Variants in LNX1 observed in about 807,000 individuals in gnomAD.
The protein encoded by LNX1 is ligand of numb-protein X 1.
LNX1 carries 54 observed loss-of-function variants against 68.4 expected under a neutral mutation model. The observed-to-expected ratio is 0.79, with a 90% CI of 0.63 to 0.99. LNX1 has a LOEUF of 0.99. LNX1 is among the 50% of genes least tolerant of loss of function. LNX1 has a pLI of 0.00. For synonymous variants in LNX1, 336 were observed against 350.0 expected, an observed-to-expected ratio of 0.96 and a Z score of 0.45; for missense variants, 906 against 926.4, an observed-to-expected ratio of 0.98 and a Z score of 0.29.
intron 2 of LNX1, among the ~76,000 whole-genome samples, chr4:53,521,377 C>G (rs1341201709): frequency 6.6e-6 from 1 of 152,206 alleles, no homozygotes; most frequent in Non-Finnish European, 1.5e-5. Flanking sequence ...AAAGTGCATT[C>G]CATCGCATTC....
intron 2 of LNX1, among the ~76,000 whole-genome samples, chr4:53,526,341 C>T (rs763819252): frequency 2.6e-5 from 4 of 152,166 alleles, no homozygotes; most frequent in Non-Finnish European, 2.9e-5. Flanking sequence ...ACTTCTGAAT[C>T]GTTTTCATAA....
chr4:53,572,701 T>A (rs557526659), intron 2 of LNX1, among the ~76,000 whole-genome samples: 1 of 152,066 alleles, frequency 6.6e-6, no homozygotes, highest in Non-Finnish European at 1.5e-5. Flanking sequence ...ACAATGTAAG[T>A]GGACAAAATG....
chr4:53,639,491 TA>T lies in LNX1; in HGVS notation c.-215+12676del, dbSNP rs1734597548. ...ATAAATTTTCTTTAATTAAAAATGT[TA>T]ATATCCCAGAAAAAATAAGGCATCT... On this transcript the variant is annotated intron_variant, in intron 1 of 2. Transcript: ENST00000507168. Among the ~76,000 whole-genome samples the T allele has an allele frequency of 2.6e-5, 4 of 152,352 alleles. No individual in the cohort carries two copies. In the South Asian group the frequency reaches 6.2e-4, roughly 24 times the overall value.
chr4:53,506,883 AATAGTAGCTACCTC>A (rs1402176520), intron 4 of LNX1, among the ~76,000 whole-genome samples: 1 of 146,758 alleles, frequency 6.8e-6, no homozygotes, highest in African/African-American at 2.5e-5. Context: ...AAAGAGGAAT[AATAGTAGCTACCTC>A]ATAGGGTTGT....
intron 4 of LNX1, among the ~76,000 whole-genome samples, chr4:53,504,742 T>C (rs905232788): frequency 1.7e-4 from 26 of 152,284 alleles, no homozygotes; most frequent in Admixed American, 1.7e-3. Flanking sequence ...TATTGTAGGG[T>C]TACTAATTGG....
chr4:53,486,900 AAG>A (rs762343012), intron 6 of LNX1, among the ~76,000 whole-genome samples: 1 of 151,382 alleles, frequency 6.6e-6, no homozygotes, highest in Non-Finnish European at 1.5e-5. Flanking sequence ...TACAGTGACT[AAG>A]AGAAGAAAAA....
At chr4:53,651,939 C>A (rs773206564) in intron 1 of LNX1, among the ~76,000 whole-genome samples, 32 of 151,858 alleles carry the variant, frequency 2.1e-4, no homozygotes, top group Admixed American at 1.1e-3. Context: ...AGCGCAAATG[C>A]CCTGAGGCCT....
intron 2 of LNX1, among the ~76,000 whole-genome samples, chr4:53,558,542 A>G (rs1288773968): frequency 6.6e-6 from 1 of 152,216 alleles, no homozygotes; most frequent in Non-Finnish European, 1.5e-5. Flanking sequence ...TCCAGCACCC[A>G]TCACTGTCTT....
intron 1 of LNX1, among the ~76,000 whole-genome samples, chr4:53,638,967 C>T (rs977304734): frequency 7.9e-5 from 12 of 152,134 alleles, no homozygotes; most frequent in African/African-American, 2.7e-4. Flanking sequence ...ACATTTGACC[C>T]AGCAATTCCA....
chr4:53,611,805 T>C (rs551354981), intron 2 of LNX1, among the ~76,000 whole-genome samples: 2 of 152,098 alleles, frequency 1.3e-5, no homozygotes, highest in Non-Finnish European at 2.9e-5. Context: ...AGAAATCTAG[T>C]GGATTATATG....
At chr4:53,650,722 A>G (rs531813108) in intron 1 of LNX1, among the ~76,000 whole-genome samples, 1 of 152,146 alleles carries the variant, frequency 6.6e-6, no homozygotes, top group Admixed American at 6.5e-5. Flanking sequence ...TCCCCCCAAG[A>G]ACCTCAACCC....
intron 9 of LNX1, among the ~76,000 whole-genome samples, chr4:53,470,345 T>C (rs186662967): frequency 2.4e-4 from 36 of 152,262 alleles, no homozygotes; most frequent in Non-Finnish European, 3.8e-4. Flanking sequence ...TATCTCAAAA[T>C]AATAAGAGCT....
intron 1 of LNX1, among the ~76,000 whole-genome samples, chr4:53,637,881 A>G (rs1433287294): frequency 2.0e-5 from 3 of 152,198 alleles, no homozygotes; most frequent in Non-Finnish European, 4.4e-5. Context: ...GCACCTTCTA[A>G]CTTCAACCCA....
At chr4:53,644,958 G>C (rs546357961) in intron 1 of LNX1, among the ~76,000 whole-genome samples, 2 of 152,318 alleles carry the variant, frequency 1.3e-5, no homozygotes, top group Non-Finnish European at 2.9e-5. Flanking sequence ...GGGAGAAGTA[G>C]TACCTTAGCC....
chr4:53,492,608 G>C (rs1362523308), intron 6 of LNX1, among the ~76,000 whole-genome samples: 3 of 150,512 alleles, frequency 2.0e-5, no homozygotes, highest in Non-Finnish European at 3.0e-5. Flanking sequence ...GAGTAGGAGA[G>C]AGATGATTAA....
chr4:53,474,738 T>A (rs962730029), intron 9 of LNX1, among the ~76,000 whole-genome samples: 7 of 151,432 alleles, frequency 4.6e-5, no homozygotes, highest in African/African-American at 1.7e-4. Context: ...CACTGTCCAT[T>A]TAGAGGAAAT....
At chr4:53,538,772 T>TC (rs1476539933) in intron 2 of LNX1, among the ~76,000 whole-genome samples, 4 of 152,120 alleles carry the variant, frequency 2.6e-5, no homozygotes, top group African/African-American at 9.7e-5. Flanking sequence ...GCCATTAGTG[T>TC]CCAGTCTCAT....
At chr4:53,630,507 T>C (rs1560700454) in intron 1 of LNX1, among the ~76,000 whole-genome samples, 1 of 152,160 alleles carries the variant, frequency 6.6e-6, no homozygotes, top group Non-Finnish European at 1.5e-5. Context: ...TTGTGCTTTT[T>C]CTTGGTGATT....
intron 1 of LNX1, among the ~76,000 whole-genome samples, chr4:53,590,887 G>T: frequency 6.6e-6 from 1 of 152,138 alleles, no homozygotes; most frequent in Non-Finnish European, 1.5e-5. Context: ...TAGGGCAACA[G>T]AATTTGCCCT....
Sources: gnomAD v4.1 joint callset for allele counts (sites outside exome capture counted in the v4.1 genomes callset) on GRCh38, gnomAD v4.1.1 for gene constraint, MANE v1.5 for transcripts, NCBI Gene and HGNC (gene_info 2026-07-23, HGNC 2026-07-21) for gene names.